Variants in CDH6 observed in about 807,000 individuals in gnomAD.
CDH6 encodes cadherin 6.
Under a neutral mutation model 78.0 loss-of-function variants are expected in CDH6, and 31 were observed. The ratio of observed to expected loss-of-function variants is 0.40; its 90% CI spans 0.30 to 0.54. The LOEUF (loss-of-function observed/expected upper bound fraction) is 0.54, where lower values mean the gene tolerates loss of function less well. Among genes scored for constraint, CDH6 ranks in the 20% least tolerant of loss-of-function variants. The pLI is 0.56. For missense variants in CDH6, 724 were observed against 975.9 expected (o/e 0.74, Z 3.44); for synonymous variants, 376 against 368.8 (o/e 1.02, Z -0.23).
At chr5:31,297,196 C>A in intron 3 of CDH6, 93 bp from the exon 4 acceptor site, 1 of 1,086,392 alleles carries the variant, frequency 9.2e-7, no homozygotes, top group Non-Finnish European at 1.4e-6. Context: ...CATGATATTT[C>A]CATACAAAAT....
At chr5:31,267,066 G>A (rs1304879911) in intron 1 of CDH6, among the ~76,000 whole-genome samples, 2 of 152,076 alleles carry the variant, frequency 1.3e-5, no homozygotes, top group Admixed American at 6.5e-5. Flanking sequence ...AAAGAGTAGC[G>A]CAATAATCCA....
intron 2 of CDH6, among the ~76,000 whole-genome samples, chr5:31,288,096 A>G (rs1263757118): frequency 3.3e-5 from 5 of 152,196 alleles, no homozygotes; most frequent in Non-Finnish European, 7.3e-5. Context: ...TGGAAAAAAG[A>G]AAAAATAGGA....
chr5:31,328,754 T>C lies in CDH6; in HGVS notation c.*5446T>C. On this transcript the variant is annotated 3_prime_UTR_variant, in exon 12 of 12. Coordinates refer to ENST00000265071, the MANE Select transcript of CDH6 (RefSeq NM_004932.4). ...CTTGAAGATTTACTGGCGGGAATGC[T>C]CACTCTTGTCGTTTTCCTCAGTATC... is the stretch of plus-strand genomic sequence containing the variant. The C allele has an allele frequency of 4.6e-6, 1 of 216,982 alleles. No homozygotes were observed. The highest frequency in any genetic ancestry group is 9.3e-6 in the Non-Finnish European group (1 of 107,748). 13.4% of individuals were successfully genotyped at this position (216,982 alleles called of 1,614,324 possible).
chr5:31,209,031 G>A lies in CDH6; in HGVS notation c.-129+15145G>A, dbSNP rs562678767. On this transcript the variant is annotated intron_variant, in intron 1 of 11. Coordinates refer to ENST00000265071, the MANE Select transcript of CDH6 (RefSeq NM_004932.4). ...CTGTTTTGTAAGGTTGTGAGATGAAGTGGGAGAGGTCTGGATGATTTCCCT... is the reference window on the plus strand; with the variant it reads ...CTGTTTTGTAAGGTTGTGAGATGAAATGGGAGAGGTCTGGATGATTTCCCT... Among the ~76,000 whole-genome samples, 344 of 152,350 alleles carry A rather than the reference G, an allele frequency of 2.3e-3. 1 individual carries two copies. The highest frequency in any genetic ancestry group is 6.0e-3 in the South Asian group (29 of 4,828).
At chr5:31,237,590 A>AC (rs1741488523) in intron 1 of CDH6, among the ~76,000 whole-genome samples, 1 of 152,108 alleles carries the variant, frequency 6.6e-6, no homozygotes, top group Non-Finnish European at 1.5e-5. Flanking sequence ...TGATAGGTTG[A>AC]CCCCCAGACA....
In CDH6 at chr5:31,317,363, T is replaced by G. The variant is rs773264093; in HGVS notation, c.1513-12T>G. 4.3e-6 allele frequency: 6 copies of G among 1,381,792 alleles called. 1 individual carries two copies. In the South Asian group the frequency reaches 7.5e-5, roughly 17 times the overall value. 85.6% of individuals were successfully genotyped at this position (1,381,792 alleles called of 1,614,324 possible). On this transcript the variant is annotated splice_polypyrimidine_tract_variant and intron_variant, in intron 9 of 11. Coordinates refer to ENST00000265071, the MANE Select transcript of CDH6 (RefSeq NM_004932.4). The stretch of plus-strand genomic sequence containing the variant: ...TCAAAATTTTATGGCAGCGTTTTGG[T>G]TTTTCTCTTAGTTGATTCAGACCCT...
Position 31,322,828 on chromosome 5 carries a change from G to T in CDH6, c.1893G>T (p.Val631=), listed in dbSNP as rs1247603940. ...LCIVILLVTV[V]LFAALRRQRK... The stretch of plus-strand genomic sequence containing the variant: ...GTTTTCTGCTTCCAGTGACAGTGGT[G>T]CTGTTTGCAGCTCTGAGGCGGCAGC... Residue 631 remains valine, a synonymous_variant, in exon 12 of 12, where the codon GTG becomes GTT. Transcript: ENST00000265071. The T allele has an allele frequency of 1.9e-6, 3 of 1,612,002 alleles. No homozygotes were observed. Among genetic ancestry groups the T allele is most frequent in the Non-Finnish European group, 2.5e-6 (3 of 1,178,432 alleles).
chr5:31,212,379 A>G (rs1561025512), intron 1 of CDH6, among the ~76,000 whole-genome samples: 1 of 152,192 alleles, frequency 6.6e-6, no homozygotes, highest in Non-Finnish European at 1.5e-5. Flanking sequence ...GGAATGAGCC[A>G]TGACATTTTT....
rs994772358 is a variant in CDH6, at chr5:31,323,110, G to C, written c.2175G>C (p.Thr725=). ...ACCAAAGGTTAAAGGAAAATGACAC[G>C]GACCCCACTGCCCCGCCATACGACT... The part of the protein sequence containing the change: ...FINQRLKEND[T]DPTAPPYDSL... The change falls in exon 12 of 12, where the codon ACG becomes ACC. Residue 725 remains threonine (T), a synonymous_variant. Transcript: ENST00000265071. 2.5e-6 allele frequency: 4 copies of C among 1,614,168 alleles called. No individual in the cohort carries two copies. Among genetic ancestry groups the C allele is most frequent in the Admixed American group, 3.3e-5 (2 of 60,020 alleles).
intron 1 of CDH6, among the ~76,000 whole-genome samples, chr5:31,233,281 T>C (rs1741362870): frequency 6.6e-6 from 1 of 151,536 alleles, no homozygotes; most frequent in Non-Finnish European, 1.5e-5. Context: ...ACAAACATTT[T>C]AATCAAAGCT....
chr5:31,218,140 G>C (rs1740916417), intron 1 of CDH6, among the ~76,000 whole-genome samples: 1 of 151,972 alleles, frequency 6.6e-6, no homozygotes, highest in East Asian at 1.9e-4. Context: ...ATACCAAGTT[G>C]AAATATACTT....
chr5:31,252,789 T>C (rs1741945544), intron 1 of CDH6, among the ~76,000 whole-genome samples: 1 of 152,154 alleles, frequency 6.6e-6, no homozygotes, highest in African/African-American at 2.4e-5. Context: ...AGGCTGCCTT[T>C]TATGATACTC....
At chr5:31,218,251 G>T (rs1389939561) in intron 1 of CDH6, among the ~76,000 whole-genome samples, 2 of 151,734 alleles carry the variant, frequency 1.3e-5, no homozygotes, top group Non-Finnish European at 1.5e-5. Context: ...CACAAAAACA[G>T]AAAAAAAGGA....
Position 31,214,397 on chromosome 5 carries a change from A to G in CDH6, c.-129+20511A>G, listed in dbSNP as rs149976348. Among the ~76,000 whole-genome samples, 229 of 152,226 alleles carry G rather than the reference A, an allele frequency of 1.5e-3. 1 individual carries two copies. The highest frequency in any genetic ancestry group is 5.3e-3 in the African/African-American group (220 of 41,550). The stretch of plus-strand genomic sequence containing the variant: ...GTAATGGTCCCTGACCTAAGCCCCA[A>G]CCTCCAACTAGGGGATTTGGATGAG... On this transcript the variant is annotated intron_variant, in intron 1 of 11. Coordinates refer to ENST00000265071, the MANE Select transcript of CDH6 (RefSeq NM_004932.4).
chr5:31,277,847 A>G lies in CDH6; in HGVS notation c.228+10146A>G, dbSNP rs138051449. On this transcript the variant is annotated intron_variant, in intron 2 of 11. Transcript: ENST00000265071. ...TAAAAAACCACCTTGTTATCTAAAA[A>G]CTACCTTCCAATTTTTCCAGCTTTA... Among the ~76,000 whole-genome samples the G allele has an allele frequency of 2.5e-3, 378 of 152,292 alleles. 3 individuals are homozygous for G. Among genetic ancestry groups the G allele is most frequent in the Non-Finnish European group, 3.0e-3 (207 of 68,010 alleles).
At position 31,324,485 on chromosome 5, in the gene CDH6, T is replaced by G. The variant is rs189258606; in HGVS notation, c.*1177T>G. ...CAACATTGAGATTATGATGAAAACC[T>G]ACATATTCCATGTTTGGAAGACCCT... On this transcript the variant is annotated 3_prime_UTR_variant, in exon 12 of 12. Transcript: ENST00000265071. 343 of 212,352 alleles carry G rather than the reference T, an allele frequency of 1.6e-3. 2 individuals carry two copies. Among genetic ancestry groups the G allele is most frequent in the African/African-American group, 7.2e-3 (321 of 44,326 alleles). The allele number at this position is 212,352 out of a possible 1,614,324, so 13.2% of individuals were successfully genotyped here.
intron 1 of CDH6, among the ~76,000 whole-genome samples, chr5:31,222,172 T>C (rs1006394121): frequency 6.6e-6 from 1 of 152,236 alleles, no homozygotes; most frequent in East Asian, 1.9e-4. Context: ...ATAGGGATAT[T>C]CACTACTTCT....
At chr5:31,210,702 A>G (rs1209577736) in intron 1 of CDH6, among the ~76,000 whole-genome samples, 1 of 152,214 alleles carries the variant, frequency 6.6e-6, no homozygotes, top group African/African-American at 2.4e-5. Context: ...ATCCTCCCAT[A>G]TACTTTAAAT....
At chr5:31,208,088 G>A (rs570582293) in intron 1 of CDH6, among the ~76,000 whole-genome samples, 3 of 152,352 alleles carry the variant, frequency 2.0e-5, no homozygotes, top group Middle Eastern at 3.4e-3. Flanking sequence ...TAGAAAGGTA[G>A]CAGTGCATCA....
Sources: gnomAD v4.1 joint callset for allele counts (sites outside exome capture counted in the v4.1 genomes callset) on GRCh38, gnomAD v4.1.1 for gene constraint, MANE v1.5 for transcripts, NCBI Gene and HGNC (gene_info 2026-07-23, HGNC 2026-07-21) for gene names.